CFAP263: variants seen among roughly 807,000 people sequenced by gnomAD.
CFAP263 encodes cilia and flagella associated protein 263.
chr16:58,272,531 A>G, the CFAP263 span, among the ~76,000 whole-genome samples: 3 of 152,224 alleles, frequency 2.0e-5, no homozygotes, highest in East Asian at 5.8e-4. Flanking sequence ...GGAAATTATA[A>G]TACAATGCTA....
chr16:58,269,051 A>G, the CFAP263 span, among the ~76,000 whole-genome samples: 1 of 152,120 alleles, frequency 6.6e-6, no homozygotes, highest in African/African-American at 2.4e-5. Context: ...CCTTCCCCAC[A>G]GGACAGGTGC....
chr16:58,279,353 C>T, the CFAP263 span, among the ~76,000 whole-genome samples: 8 of 152,152 alleles, frequency 5.3e-5, no homozygotes, highest in Non-Finnish European at 8.8e-5. Context: ...GCCTCTCCTG[C>T]GGCCATTTTG....
At chr16:58,258,420 A>T in the CFAP263 span, 13 of 1,613,898 alleles carry the variant, frequency 8.1e-6, no homozygotes, top group African/African-American at 1.6e-4. Context: ...AGAGAAGTGC[A>T]TGAGTTTGAA....
At chr16:58,252,872 G>C in the CFAP263 span, 3 of 1,612,432 alleles carry the variant, frequency 1.9e-6, no homozygotes, top group Non-Finnish European at 2.5e-6. Flanking sequence ...TGGAGATCTA[G>C]ATCATTCTTT....
the CFAP263 span, among the ~76,000 whole-genome samples, chr16:58,252,375 A>G: frequency 6.6e-6 from 1 of 151,348 alleles, no homozygotes; most frequent in Admixed American, 6.6e-5. Flanking sequence ...TATATATATA[A>G]TATATAGTAA....
the CFAP263 span, among the ~76,000 whole-genome samples, chr16:58,257,053 T>C: frequency 3.1e-5 from 2 of 64,592 alleles, no homozygotes; most frequent in African/African-American, 7.0e-5. Flanking sequence ...AGTCTCGCTC[T>C]GTCGCCCAGG....
At chr16:58,279,491 C>T in the CFAP263 span, among the ~76,000 whole-genome samples, 1 of 152,068 alleles carries the variant, frequency 6.6e-6, no homozygotes, top group African/African-American at 2.4e-5. Flanking sequence ...ATAGAAAAAT[C>T]TTCCGGTGGG....
At chr16:58,278,447 GGTTCCCTGGGT>G in the CFAP263 span, 2 of 1,603,904 alleles carry the variant, frequency 1.2e-6, no homozygotes, top group African/African-American at 2.7e-5. Context: ...GAGCTGCTGG[GGTTCCCTGGGT>G]GTAACTGGTC....
chr16:58,280,867 C>T, the CFAP263 span: 1 of 1,063,548 alleles, frequency 9.4e-7, no homozygotes, highest in Non-Finnish European at 1.3e-6. Context: ...CTGGTTCTCA[C>T]TGGAAATGGG....
chr16:58,252,775 T>C, the CFAP263 span: 17 of 1,613,452 alleles, frequency 1.1e-5, no homozygotes, highest in Admixed American at 2.5e-4. Flanking sequence ...TTGAGAAATA[T>C]TACGCTAAAC....
chr16:58,283,639 AT>A, the CFAP263 span: 1 of 152,196 alleles, frequency 6.6e-6, no homozygotes, highest in African/African-American at 2.4e-5. Context: ...TGACGGCAGA[AT>A]TTTGTTAAAA....
chr16:58,263,004 A>C, the CFAP263 span, among the ~76,000 whole-genome samples: 2 of 152,238 alleles, frequency 1.3e-5, no homozygotes, highest in Non-Finnish European at 2.9e-5. Flanking sequence ...TTGCAAAAGA[A>C]AGCAGTCTTA....
At chr16:58,259,300 C>T in the CFAP263 span, among the ~76,000 whole-genome samples, 2 of 152,276 alleles carry the variant, frequency 1.3e-5, no homozygotes, top group Admixed American at 6.5e-5. Flanking sequence ...AACTCTTGGG[C>T]TCCAACAGTC....
At chr16:58,280,116 G>A in the CFAP263 span, 2 of 1,130,480 alleles carry the variant, frequency 1.8e-6, no homozygotes, top group Non-Finnish European at 1.3e-6. Flanking sequence ...GCTTATCCGT[G>A]GCAGCCCCAG....
the CFAP263 span, chr16:58,258,450 T>C: frequency 3.1e-6 from 5 of 1,613,848 alleles, no homozygotes; most frequent in African/African-American, 1.3e-5. Flanking sequence ...CTAAAAGCCA[T>C]ATCCAAGAAG....
At chr16:58,268,965 A>T in the CFAP263 span, among the ~76,000 whole-genome samples, 3 of 152,324 alleles carry the variant, frequency 2.0e-5, no homozygotes, top group African/African-American at 7.2e-5. Context: ...ATATTCACAG[A>T]GTTGTGTAAC....
At chr16:58,265,403 C>T in the CFAP263 span, among the ~76,000 whole-genome samples, 1 of 152,144 alleles carries the variant, frequency 6.6e-6, no homozygotes, top group Admixed American at 6.5e-5. Flanking sequence ...GAGGTCTTCT[C>T]CATTGTGGGC....
the CFAP263 span, among the ~76,000 whole-genome samples, chr16:58,254,383 G>A: frequency 6.6e-6 from 1 of 152,168 alleles, no homozygotes; most frequent in Non-Finnish European, 1.5e-5. Context: ...CACGAATGTA[G>A]AGAGGCTAGC....
chr16:58,274,494 G>A, the CFAP263 span, among the ~76,000 whole-genome samples: 1 of 152,138 alleles, frequency 6.6e-6, no homozygotes, highest in East Asian at 1.9e-4. Context: ...GTCAAAGGAG[G>A]GACCTGGTGG....
Sources: gnomAD v4.1 joint callset for allele counts (sites outside exome capture counted in the v4.1 genomes callset) on GRCh38, gnomAD v4.1.1 for gene constraint, MANE v1.5 for transcripts, NCBI Gene and HGNC (gene_info 2026-07-23, HGNC 2026-07-21) for gene names.